Variants in PPIL4 observed in about 807,000 individuals in gnomAD.
PPIL4 encodes peptidylprolyl isomerase like 4, also known as peptidyl-prolyl cis-trans isomerase-like 4.
In PPIL4, 50 loss-of-function variants were observed where a neutral mutation model predicts 69.1. The ratio of observed to expected loss-of-function variants is 0.72; its 90% CI spans 0.58 to 0.92. PPIL4 has a LOEUF of 0.92. PPIL4 is among the 40% of genes least tolerant of loss of function. The pLI is 0.00. For synonymous variants in PPIL4, 193 were observed against 191.6 expected, an observed-to-expected ratio of 1.01 and a Z score of -0.06; for missense variants, 480 against 587.9, an observed-to-expected ratio of 0.82 and a Z score of 1.90.
At position 149,537,563 on chromosome 6, in the gene PPIL4, C is replaced by T. The variant is rs1389801811; in HGVS notation, c.322-1825G>A. The stretch of plus-strand genomic sequence containing the variant: ...TCTACTAAAAATACAAAAAATTAGC[C>T]GGGCGTGGTGGCAGGCGCCTGTAGT... On this transcript the variant is annotated intron_variant, in intron 4 of 12. Coordinates refer to ENST00000253329, the MANE Select transcript of PPIL4 (RefSeq NM_139126.4). Among the ~76,000 whole-genome samples, 6 of 152,006 alleles carry T rather than the reference C, an allele frequency of 3.9e-5. No homozygotes were observed. In the South Asian group the frequency reaches 8.3e-4, roughly 21 times the overall value.
At chr6:149,506,460 G>GA (rs1562254924) in intron 12 of PPIL4, among the ~76,000 whole-genome samples, 1 of 152,158 alleles carries the variant, frequency 6.6e-6, no homozygotes, top group Non-Finnish European at 1.5e-5. Context: ...CAACAAGAGC[G>GA]AAACTCCATC....
In PPIL4 at chr6:149,540,046, T is replaced by C. The variant is rs1777337338; in HGVS notation, c.321+896A>G. Among the ~76,000 whole-genome samples the C allele has an allele frequency of 2.6e-5, 4 of 152,174 alleles. No homozygotes were observed. The South Asian group carries it at 8.3e-4, about 32-fold the overall frequency. ...CGGGAGGCTGAGGCAGGAGAATCGC[T>C]TGAACCTGAGAGGCGGAGGTTGCAG... On this transcript the variant is annotated intron_variant, in intron 4 of 12. Coordinates refer to ENST00000253329, the MANE Select transcript of PPIL4 (RefSeq NM_139126.4).
Position 149,546,018 on chromosome 6 carries a change from T to A in PPIL4, c.-13A>T. ...GTAGAACCGCCATGGCGCCCGCTCC[T>A]CCTCCGCTACAAACCCCGGGAGGAG... On this transcript the variant is annotated 5_prime_UTR_variant, in exon 1 of 13. Coordinates refer to ENST00000253329, the MANE Select transcript of PPIL4 (RefSeq NM_139126.4). 6.4e-7 allele frequency: 1 copy of A among 1,567,134 alleles called. No homozygotes were observed. The highest frequency in any genetic ancestry group is 2.4e-5 in the East Asian group (1 of 41,996).
intron 12 of PPIL4, among the ~76,000 whole-genome samples, chr6:149,506,696 C>T (rs1035811360): frequency 2.0e-5 from 3 of 152,080 alleles, no homozygotes; most frequent in Admixed American, 6.6e-5. Flanking sequence ...CAGGCTCAAC[C>T]GATCCTTCCC....
At chr6:149,520,074 G>A (rs1049992264) in intron 10 of PPIL4, among the ~76,000 whole-genome samples, 3 of 152,158 alleles carry the variant, frequency 2.0e-5, no homozygotes, top group Admixed American at 6.5e-5. Context: ...TAAAAATTTA[G>A]AAAACCCATT....
At chr6:149,519,413 C>T (rs892732872) in intron 10 of PPIL4, among the ~76,000 whole-genome samples, 1 of 152,126 alleles carries the variant, frequency 6.6e-6, no homozygotes, top group African/African-American at 2.4e-5. Flanking sequence ...ATCAGGCCAG[C>T]AGCTCACCAA....
intron 12 of PPIL4, among the ~76,000 whole-genome samples, chr6:149,510,273 C>G (rs980676925): frequency 3.4e-4 from 51 of 151,994 alleles, no homozygotes; most frequent in African/African-American, 1.2e-3. Context: ...ATCAATAACC[C>G]ATAAAACACA....
At chr6:149,530,737 G>C (rs957571462) in intron 7 of PPIL4, among the ~76,000 whole-genome samples, 2 of 151,976 alleles carry the variant, frequency 1.3e-5, no homozygotes, top group Non-Finnish European at 2.9e-5. Flanking sequence ...GTGGGGGTGG[G>C]AAATTACCAC....
At position 149,540,868 on chromosome 6, in the gene PPIL4, T is replaced by C. The variant is rs1777348549; in HGVS notation, c.321+74A>G. On this transcript the variant is annotated intron_variant, in intron 4 of 12. Transcript: ENST00000253329. ...ACCCTCTAAGCCTTACTGGATAGTT[T>C]AAAAAATAACTCTGTGGGCTCCTTC... is the stretch of plus-strand genomic sequence containing the variant. The C allele has an allele frequency of 7.5e-6, 7 of 938,570 alleles. No individual in the cohort carries two copies. The South Asian group carries it at 8.0e-5, about 11-fold the overall frequency. 58.1% of individuals were successfully genotyped at this position (938,570 alleles called of 1,614,324 possible). A position where few individuals can be genotyped will look rare whatever the true frequency, so the allele number is the denominator to read the frequency against.
intron 1 of PPIL4, among the ~76,000 whole-genome samples, chr6:149,545,656 C>A (rs997723313): frequency 6.6e-6 from 1 of 152,152 alleles, no homozygotes; most frequent in Non-Finnish European, 1.5e-5. Context: ...CACACACACA[C>A]GCCCCACACA....
intron 11 of PPIL4, among the ~76,000 whole-genome samples, chr6:149,513,111 C>A (rs1222588204): frequency 6.9e-6 from 1 of 144,546 alleles, no homozygotes; most frequent in African/African-American, 2.6e-5. Flanking sequence ...AAAAGCCAGG[C>A]GTGGTGGCTC....
intron 11 of PPIL4, chr6:149,516,883 T>C (rs1432546686): frequency 6.6e-6 from 1 of 152,388 alleles, no homozygotes. Context: ...CACAAAGGAA[T>C]CAGCTTAGCA....
intron 12 of PPIL4, among the ~76,000 whole-genome samples, chr6:149,506,047 C>T (rs545768523): frequency 2.0e-5 from 3 of 152,294 alleles, no homozygotes; most frequent in African/African-American, 7.2e-5. Flanking sequence ...CCCAGCTCCC[C>T]ACCCTTCACT....
intron 11 of PPIL4, among the ~76,000 whole-genome samples, chr6:149,512,862 C>T (rs1776876474): frequency 6.6e-6 from 1 of 152,012 alleles, no homozygotes; most frequent in South Asian, 2.1e-4. Flanking sequence ...CCTGCCTCAG[C>T]CTCCCGAGTA....
chr6:149,522,768 A>G (rs1307044013), intron 9 of PPIL4, among the ~76,000 whole-genome samples: 1 of 152,120 alleles, frequency 6.6e-6, no homozygotes, highest in Non-Finnish European at 1.5e-5. Flanking sequence ...ACGCACCACC[A>G]TGCCCAGCTA....
At chr6:149,506,832 G>A (rs111512489) in intron 12 of PPIL4, among the ~76,000 whole-genome samples, 2,323 of 152,260 alleles carry the variant, frequency 0.015, 29 homozygotes, top group African/African-American at 0.035. Flanking sequence ...CTGGGTTCAA[G>A]TGATCCCCTC....
At chr6:149,526,948 AT>A (rs768873838) in intron 7 of PPIL4, among the ~76,000 whole-genome samples, 172 bp from the exon 8 acceptor site, 5 of 152,266 alleles carry the variant, frequency 3.3e-5, no homozygotes, top group South Asian at 4.1e-4. Flanking sequence ...CACTGTTCCT[AT>A]TCTTAACAGT....
intron 10 of PPIL4, among the ~76,000 whole-genome samples, chr6:149,520,331 T>C (rs1050348281): frequency 4.6e-5 from 7 of 152,190 alleles, no homozygotes; most frequent in Non-Finnish European, 1.0e-4. Context: ...GGAGCAGGAA[T>C]GAATGAGACT....
intron 10 of PPIL4, among the ~76,000 whole-genome samples, chr6:149,520,768 C>CT (rs1777018191): frequency 1.3e-5 from 2 of 152,170 alleles, no homozygotes; most frequent in Non-Finnish European, 2.9e-5. Context: ...AATCCCAGCA[C>CT]TTTGAGAGGC....
Sources: gnomAD v4.1 joint callset for allele counts (sites outside exome capture counted in the v4.1 genomes callset) on GRCh38, gnomAD v4.1.1 for gene constraint, MANE v1.5 for transcripts, NCBI Gene and HGNC (gene_info 2026-07-23, HGNC 2026-07-21) for gene names.